Variants in CACNA2D3 observed in about 807,000 individuals in gnomAD.
The protein encoded by CACNA2D3 is voltage-dependent calcium channel subunit alpha-2/delta-3.
CACNA2D3 carries 60 observed loss-of-function variants against 160.6 expected under a neutral mutation model. The ratio of observed to expected loss-of-function variants is 0.37; its 90% CI spans 0.30 to 0.46. The LOEUF (loss-of-function observed/expected upper bound fraction) is 0.46. Among genes scored for constraint, CACNA2D3 ranks in the 20% least tolerant of loss-of-function variants. The pLI, the probability that CACNA2D3 is intolerant of heterozygous loss-of-function variation, is 1.00. For synonymous variants in CACNA2D3, 558 were observed against 492.9 expected (o/e 1.13, Z -1.75); for missense variants, 1,205 against 1,365.0 (o/e 0.88, Z 1.85).
intron 25 of CACNA2D3, among the ~76,000 whole-genome samples, chr3:54,891,683 CT>C (rs1559619304): frequency 6.6e-6 from 1 of 152,212 alleles, no homozygotes; most frequent in Non-Finnish European, 1.5e-5. Flanking sequence ...CTTCTGTCCA[CT>C]GTCCTGGAGT....
Position 54,987,737 on chromosome 3 carries a change from A to G in CACNA2D3, c.2674A>G (p.Met892Val), listed in dbSNP as rs374193305. The G allele has an allele frequency of 2.1e-5, 34 of 1,609,418 alleles. No homozygotes were observed. Among genetic ancestry groups the G allele is most frequent in the African/African-American group, 2.7e-5 (2 of 74,588 alleles). ...AGCTGTGATGAACAAATTGCTAACA[A>G]TGGGCTCCTTTAAAAGGTAAGGGTT... is the stretch of plus-strand genomic sequence containing the variant. ...EGAVMNKLLT[M>V]GSFKRITLYD... The change falls in exon 31 of 38, where the codon ATG becomes GTG. Residue 892 changes from methionine to valine, a missense_variant. Around this residue, in one of 3 missense-constraint regions of CACNA2D3, gnomAD observed 911 missense variants for 1,002.2 expected, o/e 0.91. Coordinates refer to ENST00000474759, the MANE Select transcript of CACNA2D3 (RefSeq NM_018398.3).
chr3:54,390,642 G>C (rs1215749780), intron 4 of CACNA2D3, among the ~76,000 whole-genome samples: 1 of 152,196 alleles, frequency 6.6e-6, no homozygotes, highest in Non-Finnish European at 1.5e-5. Flanking sequence ...CTGTGAAAGA[G>C]AGGCCTTTGA....
intron 35 of CACNA2D3, among the ~76,000 whole-genome samples, chr3:55,022,320 C>T (rs1454357232): frequency 2.6e-5 from 4 of 151,886 alleles, no homozygotes; most frequent in Non-Finnish European, 5.9e-5. Flanking sequence ...CCATATTTTC[C>T]CCTTTCCCTC....
intron 35 of CACNA2D3, among the ~76,000 whole-genome samples, chr3:55,038,964 TG>T (rs1399138473): frequency 6.8e-6 from 1 of 146,898 alleles, no homozygotes; most frequent in Non-Finnish European, 1.5e-5. Context: ...GCTGGGAGGT[TG>T]GGGGGATGGA....
At chr3:54,215,481 C>G (rs1577003938) in intron 2 of CACNA2D3, among the ~76,000 whole-genome samples, 2 of 152,136 alleles carry the variant, frequency 1.3e-5, no homozygotes, top group South Asian at 2.1e-4. Context: ...GCGTATCAGT[C>G]CCCCCATTGC....
At chr3:54,985,053 C>G (rs1173102200) in intron 30 of CACNA2D3, among the ~76,000 whole-genome samples, 1 of 152,210 alleles carries the variant, frequency 6.6e-6, no homozygotes, top group East Asian at 1.9e-4. Context: ...ATTTCATCTT[C>G]ATATGTGTGC....
chr3:54,818,325 C>T (rs1703508192), intron 14 of CACNA2D3, among the ~76,000 whole-genome samples: 1 of 151,942 alleles, frequency 6.6e-6, no homozygotes, highest in Non-Finnish European at 1.5e-5. Context: ...CTGGGACAGA[C>T]ATGCGCCACC....
intron 3 of CACNA2D3, among the ~76,000 whole-genome samples, chr3:54,373,175 C>G (rs7653648): frequency 0.35 from 53,706 of 152,004 alleles, 9,786 homozygotes; most frequent in African/African-American, 0.45. Context: ...CCACCAGTGT[C>G]GTATTAATCG....
At chr3:54,699,175 C>G (rs1334344533) in intron 11 of CACNA2D3, among the ~76,000 whole-genome samples, 1 of 152,156 alleles carries the variant, frequency 6.6e-6, no homozygotes, top group Non-Finnish European at 1.5e-5. Flanking sequence ...ATCTGGTTTC[C>G]AGTTTCAAAA....
At chr3:54,217,862 CAGAG>C (rs1056900287) in intron 2 of CACNA2D3, among the ~76,000 whole-genome samples, 12 of 136,842 alleles carry the variant, frequency 8.8e-5, no homozygotes, top group African/African-American at 2.6e-4. Context: ...GCCTGAGAGA[CAGAG>C]AGAGACAGAG....
chr3:54,153,825 C>T (rs1168525085), intron 2 of CACNA2D3, among the ~76,000 whole-genome samples: 1 of 152,112 alleles, frequency 6.6e-6, no homozygotes, highest in African/African-American at 2.4e-5. Context: ...ATTGGGTTGC[C>T]ACTTGCATTC....
chr3:54,891,698 CT>C (rs1012861665), intron 25 of CACNA2D3, among the ~76,000 whole-genome samples: 2 of 152,198 alleles, frequency 1.3e-5, no homozygotes, highest in Non-Finnish European at 2.9e-5. Flanking sequence ...CTGGAGTCCT[CT>C]CCCGCCCTGA....
chr3:54,233,873 A>G (rs747157974), intron 2 of CACNA2D3, among the ~76,000 whole-genome samples: 2 of 152,242 alleles, frequency 1.3e-5, no homozygotes, highest in African/African-American at 4.8e-5. Flanking sequence ...GATACTGACT[A>G]TTGGTCAACA....
intron 17 of CACNA2D3, among the ~76,000 whole-genome samples, chr3:54,854,048 C>G (rs148312205): frequency 6.6e-6 from 1 of 152,154 alleles, no homozygotes; most frequent in Non-Finnish European, 1.5e-5. Flanking sequence ...GCAGAGCCAG[C>G]CCCTGCCAGT....
intron 10 of CACNA2D3, among the ~76,000 whole-genome samples, chr3:54,634,088 G>A (rs1364344054): frequency 1.3e-5 from 2 of 152,286 alleles, no homozygotes; most frequent in East Asian, 3.9e-4. Context: ...CACATCAGAT[G>A]TCTAAGTGCC....
intron 9 of CACNA2D3, among the ~76,000 whole-genome samples, chr3:54,592,835 A>G (rs935622820): frequency 5.9e-5 from 9 of 152,214 alleles, no homozygotes; most frequent in Admixed American, 5.9e-4. Context: ...TCATAAACTA[A>G]CAAAAGTACA....
intron 3 of CACNA2D3, among the ~76,000 whole-genome samples, chr3:54,358,007 A>G (rs1328844392): frequency 6.6e-6 from 1 of 152,250 alleles, no homozygotes; most frequent in Non-Finnish European, 1.5e-5. Context: ...GTCAAAACCC[A>G]CAGGAAGTAC....
At chr3:54,632,961 C>T (rs538660057) in intron 10 of CACNA2D3, among the ~76,000 whole-genome samples, 19 of 152,294 alleles carry the variant, frequency 1.2e-4, no homozygotes, top group African/African-American at 4.1e-4. Context: ...TACCTACTAA[C>T]GTGACAGTGT....
intron 4 of CACNA2D3, among the ~76,000 whole-genome samples, chr3:54,415,964 AAT>A (rs1394465370): frequency 6.6e-6 from 1 of 152,238 alleles, no homozygotes; most frequent in African/African-American, 2.4e-5. Flanking sequence ...GTAATTCAAA[AAT>A]AAATTTTCTA....
Sources: allele counts gnomAD v4.1 joint callset (sites outside exome capture counted in the v4.1 genomes callset), GRCh38; gene constraint gnomAD v4.1.1; regional missense constraint gnomAD v4.1.1; transcripts MANE v1.5; gene names NCBI Gene and HGNC (gene_info 2026-07-23, HGNC 2026-07-21).